RANGAP1: variants seen among roughly 807,000 people sequenced by gnomAD.
RANGAP1 encodes ran GTPase-activating protein 1.
Under a neutral mutation model 63.5 loss-of-function variants are expected in RANGAP1, and 38 were observed. The ratio of observed to expected loss-of-function variants is 0.60; its 90% CI spans 0.46 to 0.78. The LOEUF is 0.78. Among genes scored for constraint, RANGAP1 ranks in the 30% least tolerant of loss-of-function variants. The probability of loss-of-function intolerance (pLI) is 0.00; values close to 1 mark genes in which losing one functional copy is unlikely to be tolerated. For synonymous variants in RANGAP1, 329 were observed against 310.5 expected, an observed-to-expected ratio of 1.06 and a Z score of -0.63; for missense variants, 630 against 740.3, an observed-to-expected ratio of 0.85 and a Z score of 1.73.
chr22:41,250,953 G>A, intron 13 of RANGAP1, 54 bp downstream of exon 13: 1 of 1,424,084 alleles, frequency 7.0e-7, no homozygotes, highest in Non-Finnish European at 9.9e-7. Context: ...GATACCTGGG[G>A]CCCACGAGCA....
At chr22:41,263,773 G>A (rs1157893013) in intron 5 of RANGAP1, among the ~76,000 whole-genome samples, 1 of 152,208 alleles carries the variant, frequency 6.6e-6, no homozygotes, top group Non-Finnish European at 1.5e-5. Context: ...CACAGAGCCT[G>A]CCCCTGCTCA....
intron 15 of RANGAP1, among the ~76,000 whole-genome samples, chr22:41,248,072 C>T (rs2033172316): frequency 6.6e-6 from 1 of 152,060 alleles, no homozygotes; most frequent in Non-Finnish European, 1.5e-5. Flanking sequence ...GGCTCAGGCG[C>T]AGACGGGGGC....
rs1241966374 is a variant in RANGAP1, at chr22:41,281,037, G to A, written c.8C>T (p.Ser3Leu). Residue 3 changes from serine (S) to leucine (L), a missense_variant, in exon 2 of 16, where the codon TCG becomes TTG. Coordinates refer to ENST00000356244, the MANE Select transcript of RANGAP1 (RefSeq NM_002883.4). The part of the protein sequence containing the change: MA[S>L]EDIAKLAETL... Reference sequence around the variant, plus strand: ...CTCTGCCAGCTTGGCAATGTCTTCCGAGGCCATGTTGACTAGGCTGGTGGG... The same window carrying A: ...CTCTGCCAGCTTGGCAATGTCTTCCAAGGCCATGTTGACTAGGCTGGTGGG... 4 of 1,602,028 alleles carry A rather than the reference G, an allele frequency of 2.5e-6. No individual in the cohort carries two copies. Among genetic ancestry groups the A allele is most frequent in the Admixed American group, 1.7e-5 (1 of 59,140 alleles).
Position 41,272,382 on chromosome 22 carries a change from T to G in RANGAP1, c.240+2218A>C, listed in dbSNP as rs561972163. Among the ~76,000 whole-genome samples, 11 of 152,334 alleles carry G rather than the reference T, an allele frequency of 7.2e-5. No individual in the cohort carries two copies. The South Asian group carries it at 1.9e-3, about 26-fold the overall frequency. On this transcript the variant is annotated intron_variant, in intron 3 of 15. Transcript: ENST00000356244. ...AGGAAACAAATATGTAGTGCCACTT[T>G]GTAAACTAGTTTGCAGGCCCTTCCG...
rs1210285723 is a variant in RANGAP1 at position 41,256,039 on chromosome 22, T to A, written c.1055A>T (p.Lys352Met). 9 of 1,613,730 alleles carry A rather than the reference T, an allele frequency of 5.6e-6. No individual in the cohort carries two copies. In the South Asian group the frequency reaches 8.8e-5, roughly 16 times the overall value. The change falls in exon 10 of 16, where the codon AAG becomes ATG. Residue 352 changes from lysine (K) to methionine (M), a missense_variant. By Grantham distance (95) the Lys-to-Met change is moderately conservative. Transcript: ENST00000356244. ...QEVLEGFNMA[K>M]VLASLSDDED... Reference sequence around the variant, plus strand: ...TCCCTACCTGAGGGACGCCAGCACCTTGGCCATGTTGAAGCCCTCCAGCAC... The same window carrying A: ...TCCCTACCTGAGGGACGCCAGCACCATGGCCATGTTGAAGCCCTCCAGCAC...
chr22:41,266,126 C>T (rs1337673576), intron 4 of RANGAP1, among the ~76,000 whole-genome samples: 1 of 151,114 alleles, frequency 6.6e-6, no homozygotes, highest in African/African-American at 2.4e-5. Context: ...GGCATGAACC[C>T]GGGAGGCGGA....
At chr22:41,269,787 C>A (rs2034690351) in intron 3 of RANGAP1, among the ~76,000 whole-genome samples, 1 of 150,578 alleles carries the variant, frequency 6.6e-6, no homozygotes, top group African/African-American at 2.4e-5. Flanking sequence ...ATGTTCCTAG[C>A]ATAAAGATAA....
chr22:41,286,754 T>TA (rs1043230101), upstream of RANGAP1, among the ~76,000 whole-genome samples: 1 of 152,218 alleles, frequency 6.6e-6, no homozygotes, highest in African/African-American at 2.4e-5. Flanking sequence ...ACGGCCACGT[T>TA]AACATCAACA....
At chr22:41,279,902 A>C (rs914834500) in intron 2 of RANGAP1, among the ~76,000 whole-genome samples, 5 of 151,866 alleles carry the variant, frequency 3.3e-5, no homozygotes, top group African/African-American at 1.2e-4. Flanking sequence ...GTTCGAGAGC[A>C]TCCTGACCAA....
Position 41,285,972 on chromosome 22 carries a change from G to C in RANGAP1, c.-39+14C>G, listed in dbSNP as rs1301978056. ...AGGCAGGTGACGGGGAAAGGAAAGG[G>C]ACCCTGACTCTACCGTAAACAGGCG... On this transcript the variant is annotated intron_variant, in intron 1 of 15. Transcript: ENST00000356244. 1.3e-5 allele frequency: 2 copies of C among 152,690 alleles called. No individual in the cohort carries two copies. Among genetic ancestry groups the C allele is most frequent in the Non-Finnish European group, 2.9e-5 (2 of 68,484 alleles). 9.5% of individuals were successfully genotyped at this position (152,690 alleles called of 1,614,324 possible).
chr22:41,250,583 C>A (rs60039703), intron 13 of RANGAP1, among the ~76,000 whole-genome samples: 1 of 152,078 alleles, frequency 6.6e-6, no homozygotes, highest in Non-Finnish European at 1.5e-5. Flanking sequence ...TCCAAGGAAG[C>A]CCCCATAATG....
chr22:41,270,361 T>A (rs2034731736), intron 3 of RANGAP1, among the ~76,000 whole-genome samples: 2 of 152,154 alleles, frequency 1.3e-5, no homozygotes. Context: ...GCCAGGCTGG[T>A]CTTGAACTCC....
At chr22:41,270,533 G>A (rs748855646) in intron 3 of RANGAP1, among the ~76,000 whole-genome samples, 6 of 152,006 alleles carry the variant, frequency 3.9e-5, no homozygotes, top group African/African-American at 1.5e-4. Context: ...CTGCAGCCTC[G>A]ACCTCCCAGG....
Position 41,282,097 on chromosome 22 carries a change from C to G in RANGAP1, c.-38-1015G>C, listed in dbSNP as rs141254289. The G allele has an allele frequency of 7.2e-5, 11 of 152,258 alleles. No homozygotes were observed. The East Asian group carries it at 1.9e-3, about 27-fold the overall frequency. 9.4% of individuals were successfully genotyped at this position (152,258 alleles called of 1,614,324 possible). On this transcript the variant is annotated intron_variant, in intron 1 of 15. Transcript: ENST00000356244. Reference sequence around the variant, plus strand: ...CATGATCTCACCACTGCACTCTAGCCTGGGTGACAGAGTAAAACCCTGTCT... The same window carrying G: ...CATGATCTCACCACTGCACTCTAGCGTGGGTGACAGAGTAAAACCCTGTCT...
rs1410309975 is a variant in RANGAP1 at position 41,259,540 on chromosome 22, C to T, written c.616-1434G>A. On this transcript the variant is annotated intron_variant, in intron 6 of 15. Transcript: ENST00000356244. ...TCCAAACGCATGCTGTAGTGATATACAAACTTCTTGTTAATGCACCAAATA... is the reference window on the plus strand; with the variant it reads ...TCCAAACGCATGCTGTAGTGATATATAAACTTCTTGTTAATGCACCAAATA... Among the ~76,000 whole-genome samples the T allele has an allele frequency of 3.3e-5, 5 of 152,234 alleles. No individual in the cohort carries two copies. The East Asian group carries it at 9.6e-4, about 29-fold the overall frequency.
intron 15 of RANGAP1, among the ~76,000 whole-genome samples, chr22:41,247,657 G>A (rs2033139554): frequency 6.6e-6 from 1 of 152,228 alleles, no homozygotes; most frequent in South Asian, 2.1e-4. Context: ...TGAGCTGGCT[G>A]TTGTTGCCCT....
Position 41,275,946 on chromosome 22 carries a change from C to T in RANGAP1, c.113-1219G>A, listed in dbSNP as rs553410827. 1.1e-3 allele frequency among the ~76,000 whole-genome samples: 167 copies of T among 152,068 alleles called. 1 individual carries two copies. Among genetic ancestry groups the T allele is most frequent in the African/African-American group, 3.8e-3 (159 of 41,490 alleles). On this transcript the variant is annotated intron_variant, in intron 2 of 15. Transcript: ENST00000356244. ...GGGGGACAGAGCAAGACCCTGCCTT[C>T]TCAAAACAAAACAAACAAAAAAAGA...
chr22:41,287,994 TAAA>T (rs2035792933), upstream of RANGAP1, among the ~76,000 whole-genome samples: 1 of 151,992 alleles, frequency 6.6e-6, no homozygotes, highest in African/African-American at 2.4e-5. Flanking sequence ...TCTAAATAAA[TAAA>T]TAAATTAATT....
intron 10 of RANGAP1, among the ~76,000 whole-genome samples, chr22:41,255,746 T>G (rs959985674): frequency 2.6e-5 from 4 of 151,908 alleles, no homozygotes; most frequent in Admixed American, 6.6e-5. Flanking sequence ...GTGTATGACC[T>G]AGTACGTAAC....
Sources: allele counts gnomAD v4.1 joint callset (sites outside exome capture counted in the v4.1 genomes callset), GRCh38; gene constraint gnomAD v4.1.1; transcripts MANE v1.5; gene names NCBI Gene and HGNC (gene_info 2026-07-23, HGNC 2026-07-21).